HHIPL1: variants seen among roughly 807,000 people sequenced by gnomAD.
HHIPL1 encodes HHIP like 1.
In HHIPL1, 43 loss-of-function variants were observed where a neutral mutation model predicts 61.8. That is an observed-to-expected ratio of 0.70 (90% CI 0.55 to 0.90). The LOEUF (loss-of-function observed/expected upper bound fraction) is 0.90. Among genes scored for constraint, HHIPL1 ranks in the 40% least tolerant of loss-of-function variants. The pLI is 0.00. For missense variants in HHIPL1, 1,056 were observed against 1,157.7 expected (o/e 0.91, Z 1.28); for synonymous variants, 482 against 515.8 (o/e 0.93, Z 0.89).
the HHIPL1 span, among the ~76,000 whole-genome samples, chr14:99,619,779 G>A: frequency 5.3e-5 from 8 of 151,300 alleles, no homozygotes; most frequent in South Asian, 6.3e-4. Context: ...GCCGTGGTGC[G>A]TGGCTGTTCC....
chr14:99,619,046 A>G, the HHIPL1 span, among the ~76,000 whole-genome samples: 3 of 152,232 alleles, frequency 2.0e-5, no homozygotes, highest in African/African-American at 4.8e-5. Context: ...GGAGCTGTGT[A>G]ATTTGTAATT....
the HHIPL1 span, among the ~76,000 whole-genome samples, chr14:99,633,007 G>A: frequency 2.8e-5 from 4 of 144,970 alleles, no homozygotes; most frequent in African/African-American, 7.6e-5. Context: ...CCATCTGGGC[G>A]AGTCTGGCCA....
At chr14:99,619,587 C>CT in the HHIPL1 span, among the ~76,000 whole-genome samples, 54 of 152,212 alleles carry the variant, frequency 3.5e-4, 1 homozygote, top group South Asian at 2.1e-4. Flanking sequence ...GGGTCCCCTA[C>CT]CTAGAGATGG....
Position 99,660,354 on chromosome 14 carries a change from T to C in HHIPL1, c.1450T>C (p.Cys484Arg). 6.2e-7 allele frequency: 1 copy of C among 1,614,150 alleles called. No individual in the cohort carries two copies. Among genetic ancestry groups the C allele is most frequent in the Non-Finnish European group, 8.5e-7 (1 of 1,180,002 alleles). ...SVTGGYVYRG[C>R]EYPNLNGLYI... is the part of the protein sequence containing the mutation. ...CACAGGGGGCTACGTGTACCGGGGC[T>C]GCGAGTACCCCAACCTGAACGGCCT... The change falls in exon 5 of 9, where the codon TGC becomes CGC. Residue 484 changes from cysteine to arginine, a missense_variant. Coordinates refer to ENST00000330710, the MANE Select transcript of HHIPL1 (RefSeq NM_001127258.3). This position sits in a 1 kb window ranked among gnomAD's most constrained non-coding sequence, Gnocchi z 4.9.
At position 99,662,902 on chromosome 14, in the gene HHIPL1, C is replaced by A; in HGVS notation, c.1529C>A (p.Pro510Gln). Residue 510 changes from proline (P) to glutamine (Q), a missense_variant, in exon 6 of 9, where the codon CCA (proline) becomes CAA (glutamine). Coordinates refer to ENST00000330710, the MANE Select transcript of HHIPL1 (RefSeq NM_001127258.3). Reference sequence around the variant, plus strand: ...CGTCTGATGTCCCTCCAAGAGAACCCAGGGACAGGCCAGTGGCAGTACAGT... The same window carrying A: ...CGTCTGATGTCCCTCCAAGAGAACCAAGGGACAGGCCAGTGGCAGTACAGT... ...SGRLMSLQENPGTGQWQYSEI... is the reference protein window; with the variant it reads ...SGRLMSLQENQGTGQWQYSEI... 5 of 1,611,012 alleles carry A rather than the reference C, an allele frequency of 3.1e-6. No individual in the cohort carries two copies. Among genetic ancestry groups the A allele is most frequent in the Non-Finnish European group, 4.2e-6 (5 of 1,178,818 alleles).
chr14:99,616,671 A>G, the HHIPL1 span, among the ~76,000 whole-genome samples: 1 of 152,224 alleles, frequency 6.6e-6, no homozygotes, highest in Admixed American at 6.5e-5. Flanking sequence ...GTTTTTTTAA[A>G]AAATAAGCCT....
chr14:99,660,416 C>T lies in HHIPL1; in HGVS notation c.1502+10C>T, dbSNP rs780343788. ...GGGATTTCATGAGCGGGTAAGTGAC[C>T]TAGTGCCCTCGCGCCCCTGGCTGCT... On this transcript the variant is annotated intron_variant, in intron 5 of 8. Coordinates refer to ENST00000330710, the MANE Select transcript of HHIPL1 (RefSeq NM_001127258.3). The surrounding 1 kb of genome is among the most constrained non-coding windows in gnomAD (Gnocchi z 4.9). 1 of 1,608,140 alleles carries T rather than the reference C, an allele frequency of 6.2e-7. No individual in the cohort carries two copies. The highest frequency in any genetic ancestry group is 8.5e-7 in the Non-Finnish European group (1 of 1,175,838).
the HHIPL1 span, among the ~76,000 whole-genome samples, chr14:99,621,990 C>T: frequency 1.6e-4 from 24 of 152,150 alleles, no homozygotes; most frequent in African/African-American, 5.8e-4. Flanking sequence ...GCTGGGATTA[C>T]AGGCATAAGC....
chr14:99,617,030 G>A, the HHIPL1 span, among the ~76,000 whole-genome samples: 5 of 152,204 alleles, frequency 3.3e-5, no homozygotes, highest in Admixed American at 6.5e-5. Flanking sequence ...CTGGGGGGCC[G>A]AGAAGTGGCC....
upstream of HHIPL1, among the ~76,000 whole-genome samples, chr14:99,642,423 G>A (rs1428717647): frequency 1.3e-5 from 2 of 152,128 alleles, no homozygotes; most frequent in African/African-American, 4.8e-5. Context: ...TGCTGCTGAC[G>A]CATCTTTAAG....
intron 6 of HHIPL1, among the ~76,000 whole-genome samples, chr14:99,664,446 A>G (rs1327286217): frequency 6.6e-6 from 1 of 152,182 alleles, no homozygotes; most frequent in East Asian, 1.9e-4. Context: ...CCTGGAAGGA[A>G]GGTACAGTTC....
the HHIPL1 span, chr14:99,624,755 T>TC: frequency 2.0e-5 from 3 of 152,344 alleles, no homozygotes; most frequent in East Asian, 5.8e-4. Context: ...TACTCTCTTT[T>TC]CCCCAGGAAC....
intron 1 of HHIPL1, among the ~76,000 whole-genome samples, chr14:99,647,864 G>A (rs759136659): frequency 7.9e-5 from 12 of 152,198 alleles, no homozygotes; most frequent in Non-Finnish European, 1.5e-4. Flanking sequence ...GTAAGTGCCT[G>A]TGTCCTCTGG....
rs1018250670 is a variant in HHIPL1, at chr14:99,651,841, C to A, written c.256-383C>A. On this transcript the variant is annotated intron_variant, in intron 1 of 8. Coordinates refer to ENST00000330710, the MANE Select transcript of HHIPL1 (RefSeq NM_001127258.3). ...TGCGGACGGGGTGGTCAGGGAGGAT[C>A]GGAGGTGAGCCTTGGGCAGGAACCC... is the stretch of plus-strand genomic sequence containing the variant. Among the ~76,000 whole-genome samples, 10 of 152,014 alleles carry A rather than the reference C, an allele frequency of 6.6e-5. No homozygotes were observed. In the East Asian group the frequency reaches 1.9e-3, roughly 29 times the overall value.
At chr14:99,608,115 G>C in the HHIPL1 span, among the ~76,000 whole-genome samples, 2 of 152,026 alleles carry the variant, frequency 1.3e-5, no homozygotes, top group African/African-American at 2.4e-5. Context: ...GCCCAGAGGT[G>C]AGCAGGCGAG....
intron 7 of HHIPL1, chr14:99,669,030 C>T (rs1425717954): frequency 2.0e-6 from 3 of 1,492,194 alleles, no homozygotes; most frequent in East Asian, 2.5e-5. Context: ...TGTGCCTTCA[C>T]CTCACCCTCT....
At chr14:99,615,376 A>T in the HHIPL1 span, among the ~76,000 whole-genome samples, 3 of 151,994 alleles carry the variant, frequency 2.0e-5, no homozygotes, top group Admixed American at 6.6e-5. Flanking sequence ...AGGAAACCCT[A>T]TCTCTACAAA....
At chr14:99,664,294 A>G (rs2056205487) in intron 6 of HHIPL1, among the ~76,000 whole-genome samples, 1 of 152,190 alleles carries the variant, frequency 6.6e-6, no homozygotes, top group Non-Finnish European at 1.5e-5. Context: ...TTGAACCGTC[A>G]GAATCTGAAT....
chr14:99,645,049 T>C, upstream of HHIPL1: 1 of 550,336 alleles, frequency 1.8e-6, no homozygotes, highest in Non-Finnish European at 2.7e-6. Flanking sequence ...TCCCGCCGAG[T>C]GTCCCCGACC....
Sources: allele counts gnomAD v4.1 joint callset (sites outside exome capture counted in the v4.1 genomes callset), GRCh38; gene constraint gnomAD v4.1.1; non-coding constraint Gnocchi (gnomAD v3.1); transcripts MANE v1.5; gene names NCBI Gene and HGNC (gene_info 2026-07-23, HGNC 2026-07-21).